The following ANO3 variants were observed in gnomAD, a reference collection of about 807,000 sequenced individuals.
ANO3 encodes anoctamin 3, also known as anoctamin-3.
ANO3 carries 99 observed loss-of-function variants against 144.8 expected under a neutral mutation model. The ratio of observed to expected loss-of-function variants is 0.68; its 90% CI spans 0.58 to 0.81. ANO3 has a LOEUF of 0.81. ANO3 is among the 30% of genes least tolerant of loss of function. The probability of loss-of-function intolerance (pLI) is 0.00; values close to 1 mark genes in which losing one functional copy is unlikely to be tolerated. For synonymous variants in ANO3, 414 were observed against 392.6 expected, an observed-to-expected ratio of 1.05 and a Z score of -0.64; for missense variants, 905 against 1,202.2, an observed-to-expected ratio of 0.75 and a Z score of 3.66.
intron 1 of ANO3, among the ~76,000 whole-genome samples, chr11:26,438,127 T>C (rs945287927): frequency 2.0e-5 from 3 of 152,170 alleles, no homozygotes; most frequent in African/African-American, 4.8e-5. Flanking sequence ...TTTTACTCAA[T>C]TGTTTAAAAT....
rs1417228110 is a variant in ANO3 at position 26,201,148 on chromosome 11, ACAGCACAAGCTTAACATCTTTT to A, written c.154+11822_154+11843del. 5.9e-5 allele frequency among the ~76,000 whole-genome samples: 9 copies of A among 152,194 alleles called. No homozygotes were observed. In the East Asian group the frequency reaches 1.7e-3, roughly 29 times the overall value. ...TCACATATATAAGCACCATGTGCCC[ACAGCACAAGCTTAACATCTTTT>A]CAGTATTCACCAACATTTTATCTTC... On this transcript the variant is annotated intron_variant, in intron 1 of 27. Transcript: ENST00000672621.
At chr11:26,614,932 TG>T (rs1157137717) in intron 17 of ANO3, among the ~76,000 whole-genome samples, 5 of 152,082 alleles carry the variant, frequency 3.3e-5, no homozygotes, top group Non-Finnish European at 5.9e-5. Context: ...TCCTTTTTGT[TG>T]GGGAGGGACG....
intron 16 of ANO3, 99 bp from the exon 17 acceptor site, chr11:26,599,451 C>A (rs1851730722): frequency 6.6e-6 from 8 of 1,207,374 alleles, no homozygotes; most frequent in Non-Finnish European, 9.3e-6. Flanking sequence ...AAGGTAAATA[C>A]CTTCAATTCT....
At chr11:26,633,332 A>G (rs942271999) in intron 18 of ANO3, among the ~76,000 whole-genome samples, 34 of 152,142 alleles carry the variant, frequency 2.2e-4, no homozygotes, top group African/African-American at 7.7e-4. Flanking sequence ...CCCTTATTCT[A>G]TAGATGACCA....
At chr11:26,392,622 G>A (rs1243535313) in intron 1 of ANO3, among the ~76,000 whole-genome samples, 3 of 151,966 alleles carry the variant, frequency 2.0e-5, no homozygotes, top group Admixed American at 1.3e-4. Context: ...GTACAGTAAG[G>A]TACAAAAGTA....
intron 1 of ANO3, among the ~76,000 whole-genome samples, chr11:26,224,740 G>A (rs1253644852): frequency 2.6e-5 from 4 of 152,210 alleles, no homozygotes; most frequent in Non-Finnish European, 4.4e-5. Context: ...GCCTGTGGAT[G>A]GTAAGGCAAG....
chr11:26,511,112 A>G (rs1264321192), intron 5 of ANO3, among the ~76,000 whole-genome samples: 2 of 152,164 alleles, frequency 1.3e-5, no homozygotes, highest in African/African-American at 4.8e-5. Flanking sequence ...GGTGTATTCA[A>G]CCTCAATTGC....
chr11:26,230,265 G>A (rs1198811623), intron 1 of ANO3, among the ~76,000 whole-genome samples: 1 of 152,110 alleles, frequency 6.6e-6, no homozygotes, highest in African/African-American at 2.4e-5. Flanking sequence ...GTGAGAAGTG[G>A]CAGGAACAAT....
At chr11:26,193,310 T>A (rs1166518137) in intron 1 of ANO3, among the ~76,000 whole-genome samples, 1 of 151,810 alleles carries the variant, frequency 6.6e-6, no homozygotes, top group Non-Finnish European at 1.5e-5. Context: ...CCCGGCTAAT[T>A]TTTGTATTTT....
chr11:26,248,292 C>A lies in ANO3; in HGVS notation c.154+58962C>A, dbSNP rs539873033. On this transcript the variant is annotated intron_variant, in intron 1 of 27. Coordinates refer to the ANO3 transcript ENST00000672621. ...GGCGGAGGTCGTGGTGAGCCCAGAT[C>A]GCGCCACTGCACTCCAGCCTGGGCA... Among the ~76,000 whole-genome samples the A allele has an allele frequency of 2.0e-5, 3 of 151,980 alleles. 1 individual carries two copies. In the South Asian group the frequency reaches 6.2e-4, roughly 32 times the overall value.
chr11:26,319,079 T>G (rs1180569521), intron 1 of ANO3, among the ~76,000 whole-genome samples: 1 of 152,056 alleles, frequency 6.6e-6, no homozygotes, highest in Non-Finnish European at 1.5e-5. Context: ...CAGGCTCACA[T>G]GACCCTCCCA....
At chr11:26,591,333 C>T (rs536813547) in intron 14 of ANO3, among the ~76,000 whole-genome samples, 1 of 152,200 alleles carries the variant, frequency 6.6e-6, no homozygotes, top group Non-Finnish European at 1.5e-5. Context: ...AGGAGGGGTG[C>T]CTTTGATGTC....
intron 4 of ANO3, among the ~76,000 whole-genome samples, chr11:26,464,678 G>A (rs1182616961): frequency 6.6e-6 from 1 of 151,700 alleles, no homozygotes; most frequent in Non-Finnish European, 1.5e-5. Flanking sequence ...TTAATGATAA[G>A]AGAATGGTGT....
At chr11:26,397,652 G>T (rs113574883) in intron 1 of ANO3, among the ~76,000 whole-genome samples, 18 of 152,152 alleles carry the variant, frequency 1.2e-4, no homozygotes, top group African/African-American at 4.3e-4. Flanking sequence ...AGATCAGGGT[G>T]ATTGGCGTAT....
intron 11 of ANO3, among the ~76,000 whole-genome samples, chr11:26,542,812 A>G (rs1425892504): frequency 7.0e-6 from 1 of 142,376 alleles, no homozygotes; most frequent in Non-Finnish European, 1.5e-5. Flanking sequence ...CTGTATTAAC[A>G]AGGACTTAAG....
At chr11:26,490,783 A>G (rs751555339) in intron 4 of ANO3, among the ~76,000 whole-genome samples, 12 of 152,222 alleles carry the variant, frequency 7.9e-5, no homozygotes, top group Non-Finnish European at 1.3e-4. Context: ...TTTAAGTTTA[A>G]TTTGGCAAGT....
chr11:26,644,744 T>G (rs1853284516), intron 23 of ANO3, among the ~76,000 whole-genome samples: 1 of 152,088 alleles, frequency 6.6e-6, no homozygotes, highest in Admixed American at 6.6e-5. Context: ...ATTGTGTTTA[T>G]GTTCTTTGGT....
At chr11:26,546,120 T>G (rs566822655) in intron 11 of ANO3, among the ~76,000 whole-genome samples, 1 of 152,060 alleles carries the variant, frequency 6.6e-6, no homozygotes, top group Non-Finnish European at 1.5e-5. Context: ...TAGTAACATG[T>G]GCTAAAAACT....
intron 1 of ANO3, chr11:26,309,833 C>A: frequency 6.5e-6 from 2 of 305,424 alleles, no homozygotes; most frequent in Non-Finnish European, 9.6e-6. Context: ...CAAATTTAGT[C>A]TCATGTTAAT....
Sources: gnomAD v4.1 joint callset for allele counts (sites outside exome capture counted in the v4.1 genomes callset) on GRCh38, gnomAD v4.1.1 for gene constraint, MANE v1.5 for transcripts, NCBI Gene and HGNC (gene_info 2026-07-23, HGNC 2026-07-21) for gene names.